MME: variants seen among roughly 807,000 people sequenced by gnomAD.
MME encodes neprilysin.
A neutral mutation model predicts 113.2 loss-of-function variants in MME; 98 were observed. The observed-to-expected ratio is 0.87, with a 90% CI of 0.74 to 1.02. The LOEUF (loss-of-function observed/expected upper bound fraction) is 1.02, where lower values mean the gene tolerates loss of function less well. Among genes scored for constraint, MME ranks in the 50% least tolerant of loss-of-function variants. The pLI, the probability that MME is intolerant of heterozygous loss-of-function variation, is 0.00. For synonymous variants in MME, 292 were observed against 300.6 expected, an observed-to-expected ratio of 0.97 and a Z score of 0.30; for missense variants, 836 against 896.0, an observed-to-expected ratio of 0.93 and a Z score of 0.86.
intron 1 of MME, among the ~76,000 whole-genome samples, chr3:155,065,079 C>A (rs953807887): frequency 6.6e-6 from 1 of 152,158 alleles, no homozygotes; most frequent in African/African-American, 2.4e-5. Flanking sequence ...TGTGACAATC[C>A]TGTTTCCAAA....
intron 3 of MME, among the ~76,000 whole-genome samples, chr3:155,099,157 G>A (rs1445330487): frequency 1.3e-5 from 2 of 152,126 alleles, no homozygotes; most frequent in East Asian, 3.9e-4. Context: ...TTCAGTACAC[G>A]TGTTGTCATA....
intron 22 of MME, 92 bp from the exon 23 acceptor site, chr3:155,180,268 C>G: frequency 1.1e-6 from 1 of 916,586 alleles, no homozygotes; most frequent in Non-Finnish European, 1.8e-6. Flanking sequence ...AATTCATTCA[C>G]TTGACCTGCA....
chr3:155,042,349 AAGAC>A (rs1351835593), intron 1 of MME, among the ~76,000 whole-genome samples: 4 of 152,232 alleles, frequency 2.6e-5, no homozygotes, highest in Admixed American at 6.5e-5. Flanking sequence ...CAAAACCAGT[AAGAC>A]AGAAACATAT....
chr3:155,041,427 G>A (rs914920562), intron 1 of MME, among the ~76,000 whole-genome samples: 7 of 152,034 alleles, frequency 4.6e-5, no homozygotes, highest in Non-Finnish European at 5.9e-5. Context: ...TGTTATTACC[G>A]TAATAAACTA....
intron 3 of MME, among the ~76,000 whole-genome samples, chr3:155,105,086 C>T (rs1360901330): frequency 1.3e-5 from 2 of 152,054 alleles, no homozygotes; most frequent in Non-Finnish European, 2.9e-5. Flanking sequence ...GCCAGTCCTC[C>T]CTTGGCTGTG....
chr3:155,027,381 G>A (rs1029910067), intron 1 of MME, among the ~76,000 whole-genome samples: 2 of 152,218 alleles, frequency 1.3e-5, no homozygotes, highest in Admixed American at 1.3e-4. Context: ...CCTGGGCAAG[G>A]TTTTTATGGT....
intron 18 of MME, among the ~76,000 whole-genome samples, chr3:155,167,790 G>C (rs1334830828): frequency 6.6e-6 from 1 of 152,132 alleles, no homozygotes; most frequent in East Asian, 1.9e-4. Context: ...TACTGTTTCT[G>C]TTTTCCAAGT....
At chr3:155,143,696 A>G (rs923976905) in intron 13 of MME, 125 bp downstream of exon 13, 38 of 1,119,434 alleles carry the variant, frequency 3.4e-5, no homozygotes, top group Middle Eastern at 2.6e-4. Flanking sequence ...AGAACCTCTG[A>G]ATCATAATAT....
Position 155,116,481 on chromosome 3 carries a change from G to T in MME, c.361G>T (p.Val121Phe). 2 of 1,603,716 alleles carry T rather than the reference G, an allele frequency of 1.2e-6. No homozygotes were observed. The highest frequency in any genetic ancestry group is 1.7e-6 in the Non-Finnish European group (2 of 1,170,914). ...RDELEVVLKD[V>F]LQEPKTEDIV... ...TTTTATTAAATGTCCTATTTCAGAT[G>T]TCCTTCAAGAACCCAAAACTGAAGA... The change falls in exon 5 of 23, where the codon GTC becomes TTC. Residue 121 changes from valine (V) to phenylalanine (F), a missense_variant and splice_region_variant. Val to Phe is a conservative substitution (Grantham distance 50). Transcript: ENST00000360490.
intron 16 of MME, among the ~76,000 whole-genome samples, chr3:155,152,632 G>C (rs1473170513): frequency 6.6e-6 from 1 of 152,150 alleles, no homozygotes; most frequent in Admixed American, 6.5e-5. Flanking sequence ...CTTGAGGTCA[G>C]GAGTTTGAGA....
chr3:155,181,755 T>C lies in MME; in HGVS notation c.*1296T>C, dbSNP rs1273315906. 6.6e-6 allele frequency: 1 copy of C among 152,138 alleles called. No homozygotes were observed. Among genetic ancestry groups the C allele is most frequent in the Non-Finnish European group, 1.5e-5 (1 of 68,010 alleles). The allele number at this position is 152,138 out of a possible 1,614,324, so 9.4% of individuals were successfully genotyped here. On this transcript the variant is annotated 3_prime_UTR_variant, in exon 23 of 23. Transcript: ENST00000360490. ...CTTTTGAGGCTTCTGTTCCTCTCTT[T>C]TCCTGTTGTATTGACTATTTTCGTT... is the stretch of plus-strand genomic sequence containing the variant.
chr3:155,109,919 A>T (rs1718043472), intron 3 of MME, among the ~76,000 whole-genome samples: 1 of 152,220 alleles, frequency 6.6e-6, no homozygotes, highest in Admixed American at 6.5e-5. Flanking sequence ...GCACCCCTGC[A>T]TGGGCCTTTG....
At chr3:155,065,606 C>T (rs1342473855) in intron 1 of MME, among the ~76,000 whole-genome samples, 1 of 152,136 alleles carries the variant, frequency 6.6e-6, no homozygotes, top group African/African-American at 2.4e-5. Flanking sequence ...TCTTTATCTG[C>T]TAGTACATAA....
upstream of MME, among the ~76,000 whole-genome samples, chr3:155,078,997 TTC>T (rs1490528547): frequency 4.6e-5 from 7 of 152,120 alleles, no homozygotes; most frequent in Admixed American, 1.3e-4. Flanking sequence ...TAGTTTATTT[TTC>T]TCTTTCTCAC....
At chr3:155,045,183 G>A (rs968607741) in intron 1 of MME, among the ~76,000 whole-genome samples, 1 of 146,720 alleles carries the variant, frequency 6.8e-6, no homozygotes, top group African/African-American at 2.6e-5. Flanking sequence ...ACGGAGTCTC[G>A]CTCTGTCGCC....
intron 8 of MME, among the ~76,000 whole-genome samples, chr3:155,124,904 C>T (rs1347247423): frequency 6.6e-6 from 1 of 152,206 alleles, no homozygotes; most frequent in Non-Finnish European, 1.5e-5. Flanking sequence ...GAGGTGGAGC[C>T]TATAGTGGCA....
rs199992700 is a variant in MME at position 155,168,745 on chromosome 3, A to G, written c.1928A>G (p.Asn643Ser). Residue 643 changes from asparagine (N) to serine (S), a missense_variant, in exon 20 of 23, where the codon AAT becomes AGT. Physicochemically the swap from Asn to Ser is conservative, Grantham distance 46. Transcript: ENST00000360490. ...LAGGQHLNGI[N>S]TLGENIADNG... ...CTTTTTTAACAGCTTAATGGAATTA[A>G]TACACTGGGAGAAAACATTGCTGAT... The G allele has an allele frequency of 1.9e-6, 3 of 1,613,396 alleles. No homozygotes were observed. Among genetic ancestry groups the G allele is most frequent in the Non-Finnish European group, 2.5e-6 (3 of 1,179,466 alleles).
intron 1 of MME, among the ~76,000 whole-genome samples, chr3:155,070,275 A>G (rs866513218): frequency 3.9e-5 from 6 of 152,368 alleles, no homozygotes; most frequent in Middle Eastern, 6.8e-3. Context: ...AAATCACTAT[A>G]CTTGAAAAGA....
At chr3:155,136,841 C>T (rs1183869614) in intron 8 of MME, among the ~76,000 whole-genome samples, 1 of 152,106 alleles carries the variant, frequency 6.6e-6, no homozygotes, top group Non-Finnish European at 1.5e-5. Flanking sequence ...ACTTTATAGC[C>T]TTTCTTTGTA....
Sources: gnomAD v4.1 joint callset for allele counts (sites outside exome capture counted in the v4.1 genomes callset) on GRCh38, gnomAD v4.1.1 for gene constraint, MANE v1.5 for transcripts, NCBI Gene and HGNC (gene_info 2026-07-23, HGNC 2026-07-21) for gene names.